The following WDR41 variants were observed in gnomAD, a reference collection of about 807,000 sequenced individuals.
WDR41 encodes the protein WD repeat-containing protein 41.
A neutral mutation model predicts 69.3 loss-of-function variants in WDR41; 63 were observed. That is an observed-to-expected ratio of 0.91 (90% CI 0.74 to 1.12). The LOEUF is 1.12. WDR41 is among the 50% of genes most tolerant of loss of function. The pLI is 0.00. For synonymous variants in WDR41, 185 were observed against 192.1 expected, an observed-to-expected ratio of 0.96 and a Z score of 0.31; for missense variants, 543 against 534.5, an observed-to-expected ratio of 1.02 and a Z score of -0.16.
At chr5:77,495,155 G>A (rs1173853392), upstream of WDR41, among the ~76,000 whole-genome samples, 2 of 151,902 alleles carry the variant, frequency 1.3e-5, no homozygotes, top group African/African-American at 4.8e-5. Flanking sequence ...GAAATTTATA[G>A]GTATAAATGT....
chr5:77,437,295 AAGG>A (rs1167731428), intron 11 of WDR41, 38 bp downstream of exon 11: 1 of 1,541,718 alleles, frequency 6.5e-7, no homozygotes, highest in Middle Eastern at 1.7e-4. Flanking sequence ...CGTGAGAAAA[AAGG>A]AGAGAAAAAG....
chr5:77,523,470 G>T (rs964451366), intron 1 of WDR41, among the ~76,000 whole-genome samples: 1 of 151,950 alleles, frequency 6.6e-6, no homozygotes, highest in Non-Finnish European at 1.5e-5. Flanking sequence ...GAGAGTTTAC[G>T]TGCTTTGCTT....
At chr5:77,582,741 T>C in intron 1 of WDR41, 1 of 1,594,352 alleles carries the variant, frequency 6.3e-7, no homozygotes, top group Non-Finnish European at 8.5e-7. Context: ...ATGGAACCTT[T>C]GTGAAGCTCA....
chr5:77,499,326 C>T (rs1220389901), intron 1 of WDR41: 3 of 152,346 alleles, frequency 2.0e-5, no homozygotes, highest in African/African-American at 7.2e-5. Flanking sequence ...GAAAGGTGTA[C>T]CTTCTAGTTG....
At chr5:77,557,931 A>G (rs1561224044) in intron 1 of WDR41, among the ~76,000 whole-genome samples, 1 of 152,136 alleles carries the variant, frequency 6.6e-6, no homozygotes, top group Non-Finnish European at 1.5e-5. Flanking sequence ...ATCTTTATAT[A>G]AAGGCCAAAA....
At chr5:77,444,955 G>C (rs1561732032) in intron 8 of WDR41, among the ~76,000 whole-genome samples, 1 of 152,060 alleles carries the variant, frequency 6.6e-6, no homozygotes, top group Non-Finnish European at 1.5e-5. Context: ...AATTGAAGGA[G>C]ACAGAGACAA....
intron 1 of WDR41, among the ~76,000 whole-genome samples, chr5:77,534,866 T>A (rs1378844268): frequency 6.6e-6 from 1 of 152,160 alleles, no homozygotes; most frequent in African/African-American, 2.4e-5. Context: ...AAATGATGTG[T>A]AGTGGTTTTA....
intron 1 of WDR41, among the ~76,000 whole-genome samples, chr5:77,526,787 T>C (rs527822401): frequency 2.0e-5 from 3 of 152,126 alleles, no homozygotes; most frequent in Admixed American, 2.0e-4. Flanking sequence ...TATACAGTGA[T>C]TGTGATTCAT....
At chr5:77,541,202 C>T (rs1474140963) in intron 1 of WDR41, among the ~76,000 whole-genome samples, 1 of 152,000 alleles carries the variant, frequency 6.6e-6, no homozygotes, top group Non-Finnish European at 1.5e-5. Flanking sequence ...GCAATCTATC[C>T]ATCTGACAAA....
At chr5:77,489,711 C>T (rs1159901225) in intron 1 of WDR41, 139 bp from the exon 2 acceptor site, 2 of 430,468 alleles carry the variant, frequency 4.6e-6, no homozygotes, top group Non-Finnish European at 8.2e-6. Flanking sequence ...GTATCATGTT[C>T]TACTACTAAA....
chr5:77,555,046 C>T (rs1205942462), intron 1 of WDR41, among the ~76,000 whole-genome samples: 1 of 150,654 alleles, frequency 6.6e-6, no homozygotes, highest in Non-Finnish European at 1.5e-5. Context: ...CTGATTGTAC[C>T]ACTGCATTCC....
intron 1 of WDR41, among the ~76,000 whole-genome samples, chr5:77,532,421 T>G (rs1283052812): frequency 1.3e-5 from 2 of 152,094 alleles, no homozygotes; most frequent in Non-Finnish European, 2.9e-5. Flanking sequence ...ATCTTGATAT[T>G]TTACAATCCA....
chr5:77,475,625 G>A (rs1045921071), intron 2 of WDR41, among the ~76,000 whole-genome samples: 6 of 152,204 alleles, frequency 3.9e-5, no homozygotes, highest in Admixed American at 2.0e-4. Flanking sequence ...CTGTTAGAAG[G>A]AAAACTAACA....
At chr5:77,543,367 C>T (rs1336476621) in intron 1 of WDR41, among the ~76,000 whole-genome samples, 1 of 151,976 alleles carries the variant, frequency 6.6e-6, no homozygotes, top group Non-Finnish European at 1.5e-5. Context: ...AGGGAGGCAC[C>T]AGAGAAAGGC....
Position 77,489,581 on chromosome 5 carries a change from GAAAAAA to G in WDR41, c.52-15_52-10del. 1.0e-6 allele frequency: 1 copy of G among 1,003,252 alleles called. No homozygotes were observed. The allele number at this position is 1,003,252 out of a possible 1,614,324, so 62.1% of individuals were successfully genotyped here. ...GTCTGTAAAGGAGATTTCTTGTATT[GAAAAAA>G]AAAAAAAAGCAAAAAACAAAAGACA... On this transcript the variant is annotated splice_polypyrimidine_tract_variant and intron_variant, in intron 1 of 12. Transcript: ENST00000296679.
At chr5:77,479,334 T>A (rs1396460360) in intron 2 of WDR41, among the ~76,000 whole-genome samples, 1 of 152,000 alleles carries the variant, frequency 6.6e-6, no homozygotes, top group Non-Finnish European at 1.5e-5. Flanking sequence ...TTAAAGTTCA[T>A]ATGGAACCAA....
chr5:77,461,129 G>A (rs906225255), intron 4 of WDR41, among the ~76,000 whole-genome samples: 7 of 152,012 alleles, frequency 4.6e-5, no homozygotes, highest in South Asian at 2.1e-4. Flanking sequence ...GTCTAATAGA[G>A]TATTTTAAAT....
At chr5:77,534,208 T>C (rs1271746632) in intron 1 of WDR41, among the ~76,000 whole-genome samples, 1 of 152,144 alleles carries the variant, frequency 6.6e-6, no homozygotes, top group Non-Finnish European at 1.5e-5. Flanking sequence ...TCCCATAAAC[T>C]ACTAGAATAT....
At chr5:77,558,530 G>C (rs1426746310) in intron 1 of WDR41, among the ~76,000 whole-genome samples, 1 of 152,116 alleles carries the variant, frequency 6.6e-6, no homozygotes, top group East Asian at 1.9e-4. Context: ...TAGCCCTCTT[G>C]GGGCAGGCTG....
Sources: gnomAD v4.1 joint callset for allele counts (sites outside exome capture counted in the v4.1 genomes callset) on GRCh38, gnomAD v4.1.1 for gene constraint, MANE v1.5 for transcripts, NCBI Gene and HGNC (gene_info 2026-07-23, HGNC 2026-07-21) for gene names.